APBB1: variants seen among roughly 807,000 people sequenced by gnomAD.
APBB1 encodes adaptor protein FE65a2.
Under a neutral mutation model 78.4 loss-of-function variants are expected in APBB1, and 22 were observed. The observed-to-expected ratio is 0.28, with a 90% CI of 0.20 to 0.40. APBB1 has a LOEUF of 0.40. Ranked by LOEUF, APBB1 falls within the 10% of genes least tolerant of loss-of-function variation. The probability of loss-of-function intolerance (pLI) is 1.00; values close to 1 mark genes in which losing one functional copy is unlikely to be tolerated. For synonymous variants in APBB1, 369 were observed against 372.7 expected (o/e 0.99, Z 0.12); for missense variants, 749 against 932.4 (o/e 0.80, Z 2.56).
At chr11:6,417,525 GAAATC>G (rs1459270146) in intron 1 of APBB1, among the ~76,000 whole-genome samples, 1 of 152,192 alleles carries the variant, frequency 6.6e-6, no homozygotes, top group Non-Finnish European at 1.5e-5. Flanking sequence ...ATTAGGTGCT[GAAATC>G]ATATTTATTG....
Position 6,401,497 on chromosome 11 carries a change from T to C in APBB1, c.1504-68A>G. 6.2e-7 allele frequency: 1 copy of C among 1,613,108 alleles called. No homozygotes were observed. Among genetic ancestry groups the C allele is most frequent in the Non-Finnish European group, 8.5e-7 (1 of 1,179,326 alleles). On this transcript the variant is annotated intron_variant, in intron 10 of 14. Transcript: ENST00000609360. The surrounding 1 kb of genome is among the most constrained non-coding windows in gnomAD (Gnocchi z 4.5). ...GAGCCTCATTGCCCTGGGGCCCCCC[T>C]ACAGCACTCAGTGACCCCACCCACA...
intron 1 of APBB1, among the ~76,000 whole-genome samples, chr11:6,413,274 C>G (rs1253808352): frequency 6.6e-6 from 1 of 152,192 alleles, no homozygotes; most frequent in South Asian, 2.1e-4. Context: ...CGACCCTTCC[C>G]CCAACAGACA....
At position 6,410,965 on chromosome 11, in the gene APBB1, G is replaced by C; in HGVS notation, c.383C>G (p.Ala128Gly). The C allele has an allele frequency of 1.2e-6, 2 of 1,614,192 alleles. No individual in the cohort carries two copies. The highest frequency in any genetic ancestry group is 1.7e-6 in the Non-Finnish European group (2 of 1,180,044). Residue 128 changes from alanine to glycine, a missense_variant, in exon 2 of 15, where the codon GCC (alanine) becomes GGC (glycine). Ala to Gly is a moderately conservative substitution (Grantham distance 60). Coordinates refer to ENST00000609360, the MANE Select transcript of APBB1 (RefSeq NM_001164.5). ...GCCAGGTCCTCGTAGGCCTCGGTTG[G>C]CTGCGTTGTGAGCTGAGAGCTCCAG... ...SELELSAHNA[A>G]NRGLRGPGLI...
At chr11:6,400,841 G>T in intron 12 of APBB1, 148 bp downstream of exon 12, 1 of 782,226 alleles carries the variant, frequency 1.3e-6, no homozygotes, top group South Asian at 1.4e-5. Context: ...AGCTAGGACA[G>T]AAGTATGGGG....
At chr11:6,404,829 C>T (rs1227075779) in intron 2 of APBB1, 3 of 1,534,834 alleles carry the variant, frequency 2.0e-6, no homozygotes, top group South Asian at 2.4e-5. Flanking sequence ...TGCCTCCACC[C>T]TCCCTCCTCA....
rs759112494 is a variant in APBB1 at position 6,401,646 on chromosome 11, G to A, written c.1431C>T (p.Leu477=). The change falls in exon 10 of 15, where the codon CTC becomes CTT. Residue 477 remains leucine, a synonymous_variant. Coordinates refer to ENST00000609360, the MANE Select transcript of APBB1 (RefSeq NM_001164.5). The surrounding 1 kb of genome is among the most constrained non-coding windows in gnomAD (Gnocchi z 4.5). ...YVARDKLTQM[L]KCHVFRCEAP... ...CCTCACAGCGAAACACGTGGCACTTGAGCATCTGGGTCAGCTTATCACGAG... is the reference window on the plus strand; with the variant it reads ...CCTCACAGCGAAACACGTGGCACTTAAGCATCTGGGTCAGCTTATCACGAG... 6.2e-7 allele frequency: 1 copy of A among 1,614,174 alleles called. No homozygotes were observed. The highest frequency in any genetic ancestry group is 8.5e-7 in the Non-Finnish European group (1 of 1,180,036).
At chr11:6,402,844 A>C in intron 6 of APBB1, 119 bp from the exon 7 acceptor site, 6 of 1,279,300 alleles carry the variant, frequency 4.7e-6, no homozygotes, top group South Asian at 1.4e-5. Context: ...AGCTCCCCAA[A>C]CAGGATGTGG....
In APBB1 at chr11:6,395,655, G is replaced by T; in HGVS notation, c.2012C>A (p.Ser671Tyr). 6.3e-7 allele frequency: 1 copy of T among 1,594,204 alleles called. No homozygotes were observed. The highest frequency in any genetic ancestry group is 8.6e-7 in the Non-Finnish European group (1 of 1,168,916). Residue 671 changes from serine to tyrosine, a missense_variant, in exon 15 of 15, where the codon TCC becomes TAC. Coordinates refer to ENST00000609360, the MANE Select transcript of APBB1 (RefSeq NM_001164.5). This position sits in a 1 kb window ranked among gnomAD's most constrained non-coding sequence, Gnocchi z 5.2. The stretch of plus-strand genomic sequence containing the variant: ...CTCAGCAGGGGGTGCTGGGAGGCAG[G>T]AGGTGGAGGCCTGGGAACGGGCATC... ...CLDARSQASTSCLPAPPAESV... is the reference protein window; with the variant it reads ...CLDARSQASTYCLPAPPAESV...
rs1848948767 is a variant in APBB1, at chr11:6,410,979, T to G, written c.369A>C (p.Ser123=). ...GGCCTCGGTTGGCTGCGTTGTGAGC[T>G]GAGAGCTCCAGCTCAGAGTACAGGT... ...LIHLYSELEL[S]AHNAANRGLR... The change falls in exon 2 of 15, where the codon TCA becomes TCC. Residue 123 remains serine (S), a synonymous_variant. Transcript: ENST00000609360. 2 of 1,614,212 alleles carry G rather than the reference T, an allele frequency of 1.2e-6. No homozygotes were observed. Among genetic ancestry groups the G allele is most frequent in the Non-Finnish European group, 1.7e-6 (2 of 1,180,030 alleles).
In APBB1 at chr11:6,401,702, G is replaced by A. The variant is rs901364097; in HGVS notation, c.1389-14C>T. ...TAGGCAAAGTCCCTGTTGGGGAAGGGGCACCTCAGTGTCTCCCAGTACCAT... is the reference window on the plus strand; with the variant it reads ...TAGGCAAAGTCCCTGTTGGGGAAGGAGCACCTCAGTGTCTCCCAGTACCAT... On this transcript the variant is annotated splice_polypyrimidine_tract_variant and intron_variant, in intron 9 of 14. Coordinates refer to ENST00000609360, the MANE Select transcript of APBB1 (RefSeq NM_001164.5). This position sits in a 1 kb window ranked among gnomAD's most constrained non-coding sequence, Gnocchi z 4.5. 1 of 1,613,814 alleles carries A rather than the reference G, an allele frequency of 6.2e-7. No individual in the cohort carries two copies. Among genetic ancestry groups the A allele is most frequent in the South Asian group, 1.1e-5 (1 of 91,008 alleles).
At chr11:6,415,140 A>G (rs1377199435) in intron 1 of APBB1, among the ~76,000 whole-genome samples, 1 of 152,220 alleles carries the variant, frequency 6.6e-6, no homozygotes, top group Non-Finnish European at 1.5e-5. Context: ...TAAAGAAGGA[A>G]CACAACCTAA....
Position 6,419,027 on chromosome 11 carries a change from G to C in APBB1, c.-57C>G. ...GGGCCCAGATGACGGAGGTGGCTCA[G>C]GCTGCGGGGTTCGGGCTCCGCCGCG... is the stretch of plus-strand genomic sequence containing the variant. On this transcript the variant is annotated 5_prime_UTR_variant, in exon 1 of 15. Coordinates refer to ENST00000609360, the MANE Select transcript of APBB1 (RefSeq NM_001164.5). The C allele has an allele frequency of 2.5e-6, 1 of 393,690 alleles. No homozygotes were observed. The highest frequency in any genetic ancestry group is 4.5e-6 in the Non-Finnish European group (1 of 222,794). 24.4% of individuals were successfully genotyped at this position (393,690 alleles called of 1,614,324 possible).
At chr11:6,402,530 T>C (rs1310710329) in intron 7 of APBB1, 46 bp downstream of exon 7, 1 of 1,589,534 alleles carries the variant, frequency 6.3e-7, no homozygotes, top group Non-Finnish European at 8.6e-7. Context: ...ATAATTCCCT[T>C]CACACTCTCA....
chr11:6,405,272 C>T lies in APBB1; in HGVS notation c.722-1450G>A, dbSNP rs894022945. 1.8e-5 allele frequency: 18 copies of T among 1,000,744 alleles called. No individual in the cohort carries two copies. The African/African-American group carries it at 2.6e-4, about 14-fold the overall frequency. The allele number at this position is 1,000,744 out of a possible 1,614,324, so 62.0% of individuals were successfully genotyped here. A position where few individuals can be genotyped will look rare whatever the true frequency, so the allele number is the denominator to read the frequency against. ...GGTTTCAAGGCCTTCAGGGATCCCG[C>T]CCCTGTCCAGGACCTGCACAGCAGT... On this transcript the variant is annotated intron_variant, in intron 2 of 14. Coordinates refer to ENST00000609360, the MANE Select transcript of APBB1 (RefSeq NM_001164.5).
chr11:6,418,387 C>G (rs1031829318), intron 1 of APBB1, among the ~76,000 whole-genome samples: 4 of 152,152 alleles, frequency 2.6e-5, no homozygotes, highest in Non-Finnish European at 5.9e-5. Flanking sequence ...AGACAGCAAG[C>G]GTTGACTCTG....
rs776250956 is a variant in APBB1, at chr11:6,410,652, G to A, written c.696C>T (p.Pro232=). The A allele has an allele frequency of 5.0e-5, 76 of 1,517,156 alleles. No homozygotes were observed. In the Admixed American group the frequency reaches 7.0e-4, roughly 14 times the overall value. The allele number at this position is 1,517,156 out of a possible 1,614,324, so 94.0% of individuals were successfully genotyped here. A position where few individuals can be genotyped will look rare whatever the true frequency, so the allele number is the denominator to read the frequency against. Reference sequence around the variant, plus strand: ...CTGTGTCCTCTGGGGAGCCATAGGAGGGGCTGCCCTGGGATAAGGTAGCCC... The same window carrying A: ...CTGTGTCCTCTGGGGAGCCATAGGAAGGGCTGCCCTGGGATAAGGTAGCCC... ...SSWATLSQGS[P]SYGSPEDTDS... Residue 232 remains proline (P), a synonymous_variant, in exon 2 of 15, where the codon CCC becomes CCT. Coordinates refer to ENST00000609360, the MANE Select transcript of APBB1 (RefSeq NM_001164.5).
chr11:6,413,606 C>T (rs1330713032), intron 1 of APBB1, among the ~76,000 whole-genome samples: 1 of 152,116 alleles, frequency 6.6e-6, no homozygotes, highest in Admixed American at 6.5e-5. Flanking sequence ...GTGCCCACCA[C>T]CACGCCCAGC....
chr11:6,407,866 G>A (rs1253786002), intron 2 of APBB1, among the ~76,000 whole-genome samples: 7 of 149,484 alleles, frequency 4.7e-5, no homozygotes, highest in African/African-American at 1.5e-4. Flanking sequence ...TGCAAGCTCC[G>A]CTTCCCGGGT....
chr11:6,418,605 G>A (rs1849177984), intron 1 of APBB1, among the ~76,000 whole-genome samples: 1 of 152,222 alleles, frequency 6.6e-6, no homozygotes, highest in African/African-American at 2.4e-5. Context: ...CGGCTTGACA[G>A]ATCCAGGGCC....
Sources: gnomAD v4.1 joint callset for allele counts (sites outside exome capture counted in the v4.1 genomes callset) on GRCh38, gnomAD v4.1.1 for gene constraint, Gnocchi (gnomAD v3.1) non-coding constraint, MANE v1.5 for transcripts, NCBI Gene and HGNC (gene_info 2026-07-23, HGNC 2026-07-21) for gene names.